The following RPS6KA4 variants were observed in gnomAD, a reference collection of about 807,000 sequenced individuals.
RPS6KA4 encodes the protein ribosomal protein S6 kinase A4.
In RPS6KA4, 38 loss-of-function variants were observed where a neutral mutation model predicts 89.6. That is an observed-to-expected ratio of 0.42 (90% confidence interval 0.33 to 0.56). The LOEUF (loss-of-function observed/expected upper bound fraction) is 0.56. RPS6KA4 is among the 20% of genes least tolerant of loss of function. RPS6KA4 has a pLI of 0.07. For synonymous variants in RPS6KA4, 495 were observed against 492.8 expected (o/e 1.00, Z -0.06); for missense variants, 873 against 1,098.8 (o/e 0.79, Z 2.90).
chr11:64,368,105 C>T, intron 9 of RPS6KA4, 27 bp from the exon 10 acceptor site: 1 of 1,611,362 alleles, frequency 6.2e-7, no homozygotes, highest in East Asian at 2.2e-5. Flanking sequence ...CATGCCCATG[C>T]CCATTCCCCG....
chr11:64,366,296 G>A (rs1227806973), intron 9 of RPS6KA4, among the ~76,000 whole-genome samples: 1 of 151,754 alleles, frequency 6.6e-6, no homozygotes, highest in East Asian at 2.0e-4. Flanking sequence ...TTAGCCTCCT[G>A]AGTAGTTGGG....
chr11:64,369,535 A>G lies in RPS6KA4; in HGVS notation c.1518A>G (p.Ala506=), dbSNP rs184301837. 2.6e-4 allele frequency: 423 copies of G among 1,609,466 alleles called. 3 individuals carry two copies. The East Asian group carries it at 8.9e-3, about 34-fold the overall frequency. Residue 506 remains alanine (A), a synonymous_variant, in exon 13 of 17, where the codon GCA becomes GCG. Transcript: ENST00000334205. ...AGCGGCACTTCAGCGAGTCGGAAGC[A>G]AGCCAGATCCTGCGCAGCCTCGTGT... ...RKKRHFSESE[A]SQILRSLVSA...
chr11:64,370,737 G>C lies in RPS6KA4; in HGVS notation c.2121+11G>C. 1 of 1,529,488 alleles carries C rather than the reference G, an allele frequency of 6.5e-7. No homozygotes were observed. Among genetic ancestry groups the C allele is most frequent in the Non-Finnish European group, 8.8e-7 (1 of 1,139,012 alleles). The allele number at this position is 1,529,488 out of a possible 1,614,324, so 94.7% of individuals were successfully genotyped here. A position where few individuals can be genotyped will look rare whatever the true frequency, so the allele number is the denominator to read the frequency against. ...AACGCCACCTTCATGGTAAGGGGCA[G>C]GGTCTGTTGAAGGGAAGGGGTGGGC... On this transcript the variant is annotated intron_variant, in intron 16 of 16. Transcript: ENST00000334205. This position sits in a 1 kb window ranked among gnomAD's most constrained non-coding sequence, Gnocchi z 4.1.
Position 64,361,046 on chromosome 11 carries a change from G to C in RPS6KA4, c.463-88G>C, listed in dbSNP as rs771346248. 9.4e-7 allele frequency: 1 copy of C among 1,060,276 alleles called. No homozygotes were observed. The highest frequency in any genetic ancestry group is 1.5e-5 in the South Asian group (1 of 67,242). The allele number at this position is 1,060,276 out of a possible 1,614,324, so 65.7% of individuals were successfully genotyped here. A position where few individuals can be genotyped will look rare whatever the true frequency, so the allele number is the denominator to read the frequency against. On this transcript the variant is annotated intron_variant, in intron 4 of 16. Coordinates refer to ENST00000334205, the MANE Select transcript of RPS6KA4 (RefSeq NM_003942.3). This position sits in a 1 kb window ranked among gnomAD's most constrained non-coding sequence, Gnocchi z 4.7. The stretch of plus-strand genomic sequence containing the variant: ...ACAGGCAGATGACTTTCTCTGGGGG[G>C]TCTCCTTATCCTGAGCAGGGCCAGG...
chr11:64,368,376 C>A (rs2036943564), intron 10 of RPS6KA4, 92 bp from the exon 11 acceptor site: 1 of 1,544,400 alleles, frequency 6.5e-7, no homozygotes, highest in Non-Finnish European at 8.7e-7. Context: ...AGGTCCTAAG[C>A]CTCTCCGACA....
intron 8 of RPS6KA4, among the ~76,000 whole-genome samples, chr11:64,362,513 CAT>C (rs1401963192): frequency 2.0e-5 from 3 of 152,230 alleles, no homozygotes; most frequent in Non-Finnish European, 2.9e-5. Context: ...GGAGCACACA[CAT>C]GTTAGAGTGC....
Position 64,359,360 on chromosome 11 carries a change from C to T in RPS6KA4, c.56-18C>T, listed in dbSNP as rs755394665. ...GGGTCATGGACCGGCTGGGCTCATT[C>T]GCCCCCTGTGCCCACAGCCAACCTG... On this transcript the variant is annotated intron_variant, in intron 1 of 16. Coordinates refer to ENST00000334205, the MANE Select transcript of RPS6KA4 (RefSeq NM_003942.3). 1 of 1,611,890 alleles carries T rather than the reference C, an allele frequency of 6.2e-7. No homozygotes were observed. The highest frequency in any genetic ancestry group is 1.1e-5 in the South Asian group (1 of 90,778).
chr11:64,364,839 A>G (rs1444191397), intron 8 of RPS6KA4, among the ~76,000 whole-genome samples: 2 of 150,322 alleles, frequency 1.3e-5, no homozygotes, highest in Non-Finnish European at 2.9e-5. Context: ...TCCTGGGTTC[A>G]ACTGATTCTC....
chr11:64,369,380 TGG>T, intron 12 of RPS6KA4, 64 bp from the exon 13 acceptor site: 1 of 1,466,242 alleles, frequency 6.8e-7, no homozygotes, highest in South Asian at 1.3e-5. Flanking sequence ...GGGCGGGGCC[TGG>T]GTGGTGGGAG....
rs977415848 is a variant in RPS6KA4 at position 64,370,118 on chromosome 11, G to T, written c.1798-107G>T. ...AGAAGTCAGGGTTCACCACGCGTGG[G>T]TCTCAGGAGTGCCCCTAGTGGGGAG... is the stretch of plus-strand genomic sequence containing the variant. On this transcript the variant is annotated intron_variant, in intron 14 of 16. Transcript: ENST00000334205. The surrounding 1 kb of genome is among the most constrained non-coding windows in gnomAD (Gnocchi z 4.1). 2 of 1,326,512 alleles carry T rather than the reference G, an allele frequency of 1.5e-6. No homozygotes were observed. The highest frequency in any genetic ancestry group is 1.5e-5 in the African/African-American group (1 of 67,644). 82.2% of individuals were successfully genotyped at this position (1,326,512 alleles called of 1,614,324 possible).
chr11:64,361,627 G>T lies in RPS6KA4; in HGVS notation c.652-15G>T. The T allele has an allele frequency of 6.2e-7, 1 of 1,613,230 alleles. No individual in the cohort carries two copies. ...CAGGGGAGATGCAGGCCCTCACCCC[G>T]GCTCCACCCGGCAGGCTGTGGACTG... On this transcript the variant is annotated splice_polypyrimidine_tract_variant and intron_variant, in intron 6 of 16. Coordinates refer to ENST00000334205, the MANE Select transcript of RPS6KA4 (RefSeq NM_003942.3). This position sits in a 1 kb window ranked among gnomAD's most constrained non-coding sequence, Gnocchi z 4.7.
At position 64,370,817 on chromosome 11, in the gene RPS6KA4, G is replaced by C. The variant is rs1331306561; in HGVS notation, c.2121+91G>C. The C allele has an allele frequency of 9.2e-6, 13 of 1,415,208 alleles. No individual in the cohort carries two copies. The highest frequency in any genetic ancestry group is 3.7e-6 in the Non-Finnish European group (4 of 1,078,866). 87.7% of individuals were successfully genotyped at this position (1,415,208 alleles called of 1,614,324 possible). A position where few individuals can be genotyped will look rare whatever the true frequency, so the allele number is the denominator to read the frequency against. ...CCCGGCCATCGGAGCACAGAAAGGC[G>C]AGGTGAGGCCGGGCGCGGTGGCTCA... is the stretch of plus-strand genomic sequence containing the variant. On this transcript the variant is annotated intron_variant, in intron 16 of 16. Coordinates refer to ENST00000334205, the MANE Select transcript of RPS6KA4 (RefSeq NM_003942.3). The surrounding 1 kb of genome is among the most constrained non-coding windows in gnomAD (Gnocchi z 4.1).
In RPS6KA4 at chr11:64,359,194, G is replaced by T; in HGVS notation, c.-42G>T. 7.9e-7 allele frequency: 1 copy of T among 1,266,528 alleles called. No individual in the cohort carries two copies. The highest frequency in any genetic ancestry group is 1.0e-6 in the Non-Finnish European group (1 of 998,934). 78.5% of individuals were successfully genotyped at this position (1,266,528 alleles called of 1,614,324 possible). A position where few individuals can be genotyped will look rare whatever the true frequency, so the allele number is the denominator to read the frequency against. ...CCGGAGCCGCCATGTAACCGGCGCCGCCCGGAGCCCGAGCCGCGCGGGCCC... is the reference window on the plus strand; with the variant it reads ...CCGGAGCCGCCATGTAACCGGCGCCTCCCGGAGCCCGAGCCGCGCGGGCCC... On this transcript the variant is annotated 5_prime_UTR_variant, in exon 1 of 17. Transcript: ENST00000334205.
At position 64,360,729 on chromosome 11, in the gene RPS6KA4, C is replaced by T. The variant is rs2036722841; in HGVS notation, c.462+137C>T. ...GTGGTGAGCTGGGTGGGAATTGGAG[C>T]TGCTTCCCCTGGACCCCTTGCAGGA... is the stretch of plus-strand genomic sequence containing the variant. On this transcript the variant is annotated intron_variant, in intron 4 of 16. Transcript: ENST00000334205. 8.0e-6 allele frequency: 6 copies of T among 746,990 alleles called. No homozygotes were observed. In the South Asian group the frequency reaches 1.1e-4, roughly 13 times the overall value. 46.3% of individuals were successfully genotyped at this position (746,990 alleles called of 1,614,324 possible).
At chr11:64,362,618 T>C (rs2036784457) in intron 8 of RPS6KA4, among the ~76,000 whole-genome samples, 1 of 152,232 alleles carries the variant, frequency 6.6e-6, no homozygotes, top group Non-Finnish European at 1.5e-5. Context: ...TAACAGTCAA[T>C]ACCTACTGTG....
chr11:64,370,610 C>CG lies in RPS6KA4; in HGVS notation c.2009dup (p.Ser671GlnfsTer133). The CG allele has an allele frequency of 6.3e-7, 1 of 1,584,376 alleles. No homozygotes were observed. The highest frequency in any genetic ancestry group is 1.1e-5 in the South Asian group (1 of 88,946). On this transcript the variant is annotated frameshift_variant, in exon 16 of 17. Transcript: ENST00000334205. LOFTEE classifies it high-confidence loss of function. This position sits in a 1 kb window ranked among gnomAD's most constrained non-coding sequence, Gnocchi z 4.1. Reference sequence around the variant, plus strand: ...CAAGCGGCTGAAGCTCGAGGGACTGCGGGGCAGCTCGTGGCTGCAGGACGG... The same window carrying CG: ...CAAGCGGCTGAAGCTCGAGGGACTGCGGGGGCAGCTCGTGGCTGCAGGACGG...
At position 64,360,234 on chromosome 11, in the gene RPS6KA4, C is replaced by T. The variant is rs1385641404; in HGVS notation, c.199C>T (p.Leu67=). ...GGGGAAGCTGTACGCCATGAAGGTGCTGCGCAAGGCGGCGCTGGTGCAGCG... is the reference window on the plus strand; with the variant it reads ...GGGGAAGCTGTACGCCATGAAGGTGTTGCGCAAGGCGGCGCTGGTGCAGCG... ...DAGKLYAMKV[L]RKAALVQRAK... The change falls in exon 3 of 17, where the codon CTG becomes TTG. Residue 67 remains leucine (L), a synonymous_variant. Transcript: ENST00000334205. The T allele has an allele frequency of 1.9e-6, 3 of 1,548,088 alleles. No homozygotes were observed. The highest frequency in any genetic ancestry group is 2.7e-5 in the African/African-American group (2 of 72,998).
chr11:64,368,596 T>A lies in RPS6KA4; in HGVS notation c.1329T>A (p.Ser443Arg). ...AGGAGTTCGCAGTCAAGATCCTCAG[T>A]CGCAGGTGGGAGGGCCCAGGCGCGG... ...SGQEFAVKIL[S>R]RRLEANTQRE... Residue 443 changes from serine to arginine, a missense_variant, in exon 11 of 17, where the codon AGT (serine) becomes AGA (arginine). Physicochemically the swap from Ser to Arg is moderately radical, Grantham distance 110. Around this residue, in one of 4 missense-constraint regions of RPS6KA4, gnomAD observed 542 missense variants for 736.4 expected, o/e 0.74. Transcript: ENST00000334205. The A allele has an allele frequency of 6.3e-7, 1 of 1,595,674 alleles. No individual in the cohort carries two copies. The highest frequency in any genetic ancestry group is 8.5e-7 in the Non-Finnish European group (1 of 1,174,100).
chr11:64,360,551 T>TATGG lies in RPS6KA4; in HGVS notation c.422_425dup (p.Gly143TrpfsTer3). On this transcript the variant is annotated frameshift_variant, in exon 4 of 17. Transcript: ENST00000334205. LOFTEE classifies it high-confidence loss of function. ...CTTCAAGGAGGCTGAGGTGCGCGTG[T>TATGG]ATGGGGGTGAGATCGTGCTGGCCCT... 1 of 1,612,058 alleles carries TATGG rather than the reference T, an allele frequency of 6.2e-7. No homozygotes were observed. The highest frequency in any genetic ancestry group is 2.2e-5 in the East Asian group (1 of 44,792).
Sources: gnomAD v4.1 joint callset for allele counts (sites outside exome capture counted in the v4.1 genomes callset) on GRCh38, gnomAD v4.1.1 for gene constraint, gnomAD v4.1.1 regional missense constraint, Gnocchi (gnomAD v3.1) non-coding constraint, MANE v1.5 for transcripts, NCBI Gene and HGNC (gene_info 2026-07-23, HGNC 2026-07-21) for gene names.